ANAPC4: variants seen among roughly 807,000 people sequenced by gnomAD.
ANAPC4 encodes anaphase-promoting complex subunit 4.
Under a neutral mutation model 119.8 loss-of-function variants are expected in ANAPC4, and 63 were observed. The ratio of observed to expected loss-of-function variants is 0.53; its 90% CI spans 0.43 to 0.65. The LOEUF (loss-of-function observed/expected upper bound fraction) is 0.65, where lower values mean the gene tolerates loss of function less well. Among genes scored for constraint, ANAPC4 ranks in the 30% least tolerant of loss-of-function variants. The probability of loss-of-function intolerance (pLI) is 0.00; values close to 1 mark genes in which losing one functional copy is unlikely to be tolerated. For synonymous variants in ANAPC4, 283 were observed against 318.6 expected, an observed-to-expected ratio of 0.89 and a Z score of 1.19; for missense variants, 716 against 945.1, an observed-to-expected ratio of 0.76 and a Z score of 3.18.
At position 25,418,435 on chromosome 4, in the gene ANAPC4, G is replaced by A; in HGVS notation, c.*53G>A. ...TTATGGCCAAAAGGACATAGGAGAT[G>A]GACTAAGATGTCTTGGACCACCTTT... On this transcript the variant is annotated 3_prime_UTR_variant, in exon 29 of 29. Coordinates refer to ENST00000315368, the MANE Select transcript of ANAPC4 (RefSeq NM_013367.3). 2 of 1,478,724 alleles carry A rather than the reference G, an allele frequency of 1.4e-6. No homozygotes were observed. Among genetic ancestry groups the A allele is most frequent in the Non-Finnish European group, 1.9e-6 (2 of 1,071,580 alleles). The allele number at this position is 1,478,724 out of a possible 1,614,324, so 91.6% of individuals were successfully genotyped here. A position where few individuals can be genotyped will look rare whatever the true frequency, so the allele number is the denominator to read the frequency against.
At chr4:25,381,865 T>C (rs1313907630) in intron 3 of ANAPC4, among the ~76,000 whole-genome samples, 1 of 152,082 alleles carries the variant, frequency 6.6e-6, no homozygotes, top group African/African-American at 2.4e-5. Flanking sequence ...GAGAATTGCT[T>C]GAACCCGGGA....
At position 25,405,635 on chromosome 4, in the gene ANAPC4, G is replaced by T. The variant is rs745607242; in HGVS notation, c.1317+16G>T. 6.2e-7 allele frequency: 1 copy of T among 1,612,356 alleles called. No homozygotes were observed. Among genetic ancestry groups the T allele is most frequent in the South Asian group, 1.1e-5 (1 of 90,924 alleles). ...GCTGAATAAGGTAGTATGTACTAGT[G>T]CATTTTCACAGTGTTCACATTGTCC... On this transcript the variant is annotated intron_variant, in intron 18 of 28. Transcript: ENST00000315368. This position sits in a 1 kb window ranked among gnomAD's most constrained non-coding sequence, Gnocchi z 4.6.
At chr4:25,415,954 A>G (rs1235312263) in intron 26 of ANAPC4, 3 of 168,818 alleles carry the variant, frequency 1.8e-5, no homozygotes, top group Non-Finnish European at 3.8e-5. Flanking sequence ...CGCAAGGGAA[A>G]GAAGTGACTA....
chr4:25,390,964 A>G lies in ANAPC4; in HGVS notation c.654A>G (p.Ser218=), dbSNP rs971005538. Residue 218 remains serine, a synonymous_variant, in exon 9 of 29, where the codon TCA becomes TCG. Transcript: ENST00000315368. Reference sequence around the variant, plus strand: ...TATCAAGTGATTTGAAATCATTATCAGTGGTCACAGAAGTCTCTACCAATG... The same window carrying G: ...TATCAAGTGATTTGAAATCATTATCGGTGGTCACAGAAGTCTCTACCAATG... The part of the protein sequence containing the change: ...LCLSSDLKSL[S]VVTEVSTNGA... The G allele has an allele frequency of 4.3e-6, 7 of 1,613,906 alleles. No homozygotes were observed. Among genetic ancestry groups the G allele is most frequent in the Admixed American group, 3.3e-5 (2 of 60,000 alleles).
intron 20 of ANAPC4, among the ~76,000 whole-genome samples, chr4:25,408,510 G>A (rs1029175881): frequency 6.8e-5 from 10 of 147,944 alleles, no homozygotes; most frequent in African/African-American, 2.5e-4. Flanking sequence ...CACAGGGGCA[G>A]ATGCAGGTTT....
In ANAPC4 at chr4:25,394,985, A is replaced by G. The variant is rs1003657068; in HGVS notation, c.1061+80A>G. Reference sequence around the variant, plus strand: ...GCCTTCTTTCCGCCGCCTTTTCTTCATCTGGCATTCTCTTTTTAAGCCTTT... The same window carrying G: ...GCCTTCTTTCCGCCGCCTTTTCTTCGTCTGGCATTCTCTTTTTAAGCCTTT... On this transcript the variant is annotated intron_variant, in intron 14 of 28. Transcript: ENST00000315368. 3 of 1,103,896 alleles carry G rather than the reference A, an allele frequency of 2.7e-6. No individual in the cohort carries two copies. In the Middle Eastern group the frequency reaches 6.1e-4, roughly 224 times the overall value. 68.4% of individuals were successfully genotyped at this position (1,103,896 alleles called of 1,614,324 possible).
rs989857847 is a variant in ANAPC4, at chr4:25,407,224, A to G, written c.1402A>G (p.Lys468Glu). The G allele has an allele frequency of 1.9e-6, 3 of 1,608,830 alleles. No individual in the cohort carries two copies. The highest frequency in any genetic ancestry group is 2.5e-6 in the Non-Finnish European group (3 of 1,178,236). ...EAPDLYNRKGKYFNVERVGQY... is the reference protein window; with the variant it reads ...EAPDLYNRKGEYFNVERVGQY... ...TCCAGACCTTTATAATCGAAAAGGA[A>G]AATACTTTAACGTTGAAAGAGTTGG... is the stretch of plus-strand genomic sequence containing the variant. Residue 468 changes from lysine (K) to glutamate (E), a missense_variant, in exon 20 of 29, where the codon AAA (lysine) becomes GAA (glutamate). By Grantham distance (56) the Lys-to-Glu change is moderately conservative (BLOSUM62 1). This residue lies in a region of ANAPC4 where 504 missense variants were observed against 615.8 expected (regional missense o/e 0.82). Coordinates refer to ENST00000315368, the MANE Select transcript of ANAPC4 (RefSeq NM_013367.3).
intron 16 of ANAPC4, among the ~76,000 whole-genome samples, chr4:25,398,011 T>C (rs1199163366): frequency 6.6e-6 from 1 of 152,076 alleles, no homozygotes; most frequent in Non-Finnish European, 1.5e-5. Flanking sequence ...AGTGATCCTC[T>C]TGCCTCAGCC....
intron 21 of ANAPC4, among the ~76,000 whole-genome samples, chr4:25,412,452 A>G (rs1460702247): frequency 6.6e-6 from 1 of 151,912 alleles, no homozygotes; most frequent in African/African-American, 2.4e-5. Context: ...GCCAGCCCCT[A>G]TCCTAAAGCT....
intron 26 of ANAPC4, chr4:25,415,988 C>G (rs1723850436): frequency 1.2e-5 from 2 of 163,706 alleles, no homozygotes; most frequent in Admixed American, 6.4e-5. Context: ...CTTTTTCTCA[C>G]TTTTTTCCTC....
chr4:25,418,244 G>C lies in ANAPC4; in HGVS notation c.2289G>C (p.Glu763Asp), dbSNP rs772204215. ...ELDESSDEEE[E>D]ASNKPVKIKE... ...ATGAGTCTTCAGATGAAGAGGAGGAGGCCAGTAATAAGCCTGTAAAAATAA... is the reference window on the plus strand; with the variant it reads ...ATGAGTCTTCAGATGAAGAGGAGGACGCCAGTAATAAGCCTGTAAAAATAA... The change falls in exon 29 of 29, where the codon GAG (glutamate) becomes GAC (aspartate). Residue 763 changes from glutamate (E) to aspartate (D), a missense_variant. This residue lies in a region of ANAPC4 where 504 missense variants were observed against 615.8 expected (regional missense o/e 0.82). Transcript: ENST00000315368. 3.7e-6 allele frequency: 6 copies of C among 1,614,084 alleles called. No individual in the cohort carries two copies. The South Asian group carries it at 6.6e-5, about 18-fold the overall frequency.
intron 3 of ANAPC4, among the ~76,000 whole-genome samples, chr4:25,381,651 T>C (rs186927880): frequency 9.9e-5 from 15 of 152,096 alleles, no homozygotes; most frequent in Non-Finnish European, 2.2e-4. Flanking sequence ...TATAAAAAAG[T>C]ACTTAAAAAT....
At chr4:25,412,015 CTTG>C (rs1723596833) in intron 21 of ANAPC4, among the ~76,000 whole-genome samples, 1 of 152,128 alleles carries the variant, frequency 6.6e-6, no homozygotes, top group Non-Finnish European at 1.5e-5. Context: ...GGTAGCCATG[CTTG>C]TTGTCTGACT....
Position 25,394,877 on chromosome 4 carries a change from C to G in ANAPC4, c.1033C>G (p.Gln345Glu). Reference sequence around the variant, plus strand: ...TATAGAGTCATCATACTCCAGTATACAAAAATTGGTCATAAGTCATTTACA... The same window carrying G: ...TATAGAGTCATCATACTCCAGTATAGAAAAATTGGTCATAAGTCATTTACA... ...QSIESSYSSI[Q>E]KLVISHLQSG... Residue 345 changes from glutamine to glutamate, a missense_variant, in exon 14 of 29, where the codon CAA becomes GAA. Transcript: ENST00000315368. 6.2e-7 allele frequency: 1 copy of G among 1,612,832 alleles called. No homozygotes were observed. Among genetic ancestry groups the G allele is most frequent in the Non-Finnish European group, 8.5e-7 (1 of 1,179,602 alleles).
intron 21 of ANAPC4, 102 bp downstream of exon 21, chr4:25,409,893 TA>T (rs1723469268): frequency 1.4e-6 from 1 of 731,474 alleles, no homozygotes; most frequent in Non-Finnish European, 2.3e-6. Flanking sequence ...GCTGAACACT[TA>T]CCTAAGTTTA....
intron 27 of ANAPC4, 72 bp downstream of exon 27, chr4:25,416,670 T>C (rs1355244799): frequency 1.6e-6 from 2 of 1,227,892 alleles, no homozygotes; most frequent in African/African-American, 3.0e-5. Context: ...ATTCCAACCT[T>C]TTAGGTACGC....
At chr4:25,413,989 T>G in intron 22 of ANAPC4, 1 of 482,808 alleles carries the variant, frequency 2.1e-6, no homozygotes, top group Non-Finnish European at 3.6e-6. Context: ...CTTGAGTATT[T>G]TATTTGTTCC....
chr4:25,407,321 G>T, intron 20 of ANAPC4, 68 bp downstream of exon 20: 1 of 1,236,796 alleles, frequency 8.1e-7, no homozygotes, highest in Non-Finnish European at 1.1e-6. Context: ...TCTCTGGAAA[G>T]AATTACAATA....
intron 16 of ANAPC4, among the ~76,000 whole-genome samples, chr4:25,402,627 C>T (rs1723038177): frequency 6.6e-6 from 1 of 152,104 alleles, no homozygotes; most frequent in African/African-American, 2.4e-5. Flanking sequence ...GAGAATAATG[C>T]TGAAAACTGT....
Sources: gnomAD v4.1 joint callset for allele counts (sites outside exome capture counted in the v4.1 genomes callset) on GRCh38, gnomAD v4.1.1 for gene constraint, gnomAD v4.1.1 regional missense constraint, Gnocchi (gnomAD v3.1) non-coding constraint, MANE v1.5 for transcripts, NCBI Gene and HGNC (gene_info 2026-07-23, HGNC 2026-07-21) for gene names.